Variants in NKAIN2 observed in about 807,000 individuals in gnomAD.
NKAIN2 encodes the protein sodium/potassium transporting ATPase interacting 2, also known as sodium/potassium-transporting ATPase subunit beta-1-interacting protein 2.
NKAIN2 carries 14 observed loss-of-function variants against 32.6 expected under a neutral mutation model. That is an observed-to-expected ratio of 0.43 (90% CI 0.28 to 0.67). NKAIN2 has a LOEUF of 0.67. NKAIN2 is among the 30% of genes least tolerant of loss of function. NKAIN2 has a pLI of 0.17. For synonymous variants in NKAIN2, 80 were observed against 87.2 expected (o/e 0.92, Z 0.46); for missense variants, 198 against 258.3 (o/e 0.77, Z 1.60).
intron 3 of NKAIN2, among the ~76,000 whole-genome samples, chr6:124,574,543 C>T (rs770174983): frequency 1.3e-5 from 2 of 152,012 alleles, no homozygotes; most frequent in East Asian, 1.9e-4. Context: ...CACTTAAACC[C>T]GGGATGCAGA....
intron 1 of NKAIN2, among the ~76,000 whole-genome samples, chr6:124,002,447 C>T (rs1053797468): frequency 6.8e-6 from 1 of 148,142 alleles, no homozygotes; most frequent in Non-Finnish European, 1.5e-5. Context: ...TCCTATCTGT[C>T]CCTTTTTTTT....
intron 1 of NKAIN2, among the ~76,000 whole-genome samples, chr6:123,925,310 A>T (rs142498098): frequency 6.6e-6 from 1 of 152,230 alleles, no homozygotes; most frequent in Non-Finnish European, 1.5e-5. Context: ...AAAGGACCTC[A>T]GGATTAAGCT....
chr6:124,566,958 G>A (rs1583450778), intron 3 of NKAIN2, among the ~76,000 whole-genome samples: 2 of 152,186 alleles, frequency 1.3e-5, no homozygotes, highest in African/African-American at 4.8e-5. Context: ...GCAGACATAT[G>A]TTCTGACCAC....
intron 2 of NKAIN2, among the ~76,000 whole-genome samples, chr6:124,319,018 G>C (rs1214421336): frequency 6.6e-6 from 1 of 151,988 alleles, no homozygotes; most frequent in Admixed American, 6.6e-5. Flanking sequence ...TTCAGCAGTG[G>C]TGGATTATCC....
chr6:124,363,909 T>C (rs889215099), intron 3 of NKAIN2, among the ~76,000 whole-genome samples: 1 of 152,104 alleles, frequency 6.6e-6, no homozygotes, highest in Admixed American at 6.6e-5. Context: ...AAGAAGAAGA[T>C]ACACAATTGA....
At chr6:123,884,377 AAC>A (rs1773614738) in intron 1 of NKAIN2, among the ~76,000 whole-genome samples, 1 of 152,192 alleles carries the variant, frequency 6.6e-6, no homozygotes, top group South Asian at 2.1e-4. Context: ...AGAACAGACT[AAC>A]ACACACACAT....
intron 4 of NKAIN2, among the ~76,000 whole-genome samples, chr6:124,670,305 G>C (rs556594058): frequency 2.0e-5 from 3 of 152,082 alleles, no homozygotes; most frequent in Admixed American, 6.6e-5. Flanking sequence ...AGGTTGATTG[G>C]CATGACTCAT....
intron 3 of NKAIN2, among the ~76,000 whole-genome samples, chr6:124,470,527 CAATT>C (rs1220344470): frequency 6.6e-6 from 1 of 151,928 alleles, no homozygotes; most frequent in African/African-American, 2.4e-5. Context: ...TTAGGAGAGA[CAATT>C]AGGTGAATGT....
chr6:124,027,547 G>A (rs12202489), intron 1 of NKAIN2, among the ~76,000 whole-genome samples: 38,143 of 151,912 alleles, frequency 0.25, 6,498 homozygotes, highest in African/African-American at 0.48. Flanking sequence ...TAGTGACCAT[G>A]TCTTCTCAGT....
chr6:123,979,681 T>C (rs1396963716), intron 1 of NKAIN2, among the ~76,000 whole-genome samples: 1 of 152,202 alleles, frequency 6.6e-6, no homozygotes, highest in Non-Finnish European at 1.5e-5. Context: ...TCATGTGTAC[T>C]TCATATCAAG....
Position 124,347,049 on chromosome 6 carries a change from G to A in NKAIN2, c.193-8218G>A, listed in dbSNP as rs986392710. 8.0e-4 allele frequency among the ~76,000 whole-genome samples: 122 copies of A among 151,914 alleles called. 1 individual carries two copies. The highest frequency in any genetic ancestry group is 6.8e-3 in the Middle Eastern group (2 of 292). On this transcript the variant is annotated intron_variant, in intron 2 of 6. Coordinates refer to ENST00000368417, the MANE Select transcript of NKAIN2 (RefSeq NM_001040214.3). The stretch of plus-strand genomic sequence containing the variant: ...GGCCTGGTGGTGACAAAATCTCTCA[G>A]CATTTGCTTGTCTGTAAAGTATTTT...
In NKAIN2 at chr6:123,964,588, C is replaced by T. The variant is rs776703754; in HGVS notation, c.54+160334C>T. ...AAAGGACTTGGGGATATAGAAAGGG[C>T]GTATGTAAGAGTTCTAAAAATTATT... On this transcript the variant is annotated intron_variant, in intron 1 of 6. Coordinates refer to ENST00000368417, the MANE Select transcript of NKAIN2 (RefSeq NM_001040214.3). The surrounding 1 kb of genome is among the most constrained non-coding windows in gnomAD (Gnocchi z 4.0). 6.6e-6 allele frequency among the ~76,000 whole-genome samples: 1 copy of T among 152,116 alleles called. No individual in the cohort carries two copies. Among genetic ancestry groups the T allele is most frequent in the South Asian group, 2.1e-4 (1 of 4,826 alleles).
chr6:124,337,893 G>A (rs748024785), intron 2 of NKAIN2, among the ~76,000 whole-genome samples: 5 of 152,182 alleles, frequency 3.3e-5, no homozygotes, highest in African/African-American at 4.8e-5. Context: ...GGAACAAGGG[G>A]TGGCTAGAGT....
intron 3 of NKAIN2, among the ~76,000 whole-genome samples, chr6:124,378,111 A>T (rs1800068601): frequency 6.6e-6 from 1 of 152,084 alleles, no homozygotes; most frequent in African/African-American, 2.4e-5. Flanking sequence ...TATTCTTTAC[A>T]CTTACTGAAG....
At chr6:124,260,224 T>C (rs1416336870) in intron 1 of NKAIN2, among the ~76,000 whole-genome samples, 12 of 152,312 alleles carry the variant, frequency 7.9e-5, no homozygotes, top group African/African-American at 2.9e-4. Context: ...TTGTAAGCCA[T>C]AGAGAAAAAT....
At chr6:123,865,886 A>G (rs1021842302) in intron 1 of NKAIN2, among the ~76,000 whole-genome samples, 1 of 152,224 alleles carries the variant, frequency 6.6e-6, no homozygotes, top group African/African-American at 2.4e-5. Context: ...AAACACATAA[A>G]TATATAAGGC....
At chr6:124,786,872 A>G (rs1276072103) in intron 4 of NKAIN2, among the ~76,000 whole-genome samples, 1 of 152,122 alleles carries the variant, frequency 6.6e-6, no homozygotes, top group Non-Finnish European at 1.5e-5. Context: ...AATTGAAGAT[A>G]CTCATATCTA....
At chr6:124,040,525 C>T (rs1283411986) in intron 1 of NKAIN2, among the ~76,000 whole-genome samples, 1 of 151,914 alleles carries the variant, frequency 6.6e-6, no homozygotes, top group East Asian at 1.9e-4. Context: ...ATTTTGAAGA[C>T]ATTTTAATTT....
At chr6:124,243,363 C>T (rs990101767) in intron 1 of NKAIN2, among the ~76,000 whole-genome samples, 1 of 151,902 alleles carries the variant, frequency 6.6e-6, no homozygotes, top group East Asian at 1.9e-4. Flanking sequence ...AGCATAGTAG[C>T]ACATGCCTGT....
Sources: allele counts gnomAD v4.1 joint callset (sites outside exome capture counted in the v4.1 genomes callset), GRCh38; gene constraint gnomAD v4.1.1; non-coding constraint Gnocchi (gnomAD v3.1); transcripts MANE v1.5; gene names NCBI Gene and HGNC (gene_info 2026-07-23, HGNC 2026-07-21).